The following PABPN1L variants were observed in gnomAD, a reference collection of about 807,000 sequenced individuals.
The protein encoded by PABPN1L is embryonic polyadenylate-binding protein 2.
Under a neutral mutation model 34.0 loss-of-function variants are expected in PABPN1L, and 45 were observed. The ratio of observed to expected loss-of-function variants is 1.32; its 90% CI spans 1.04 to 1.70. The LOEUF (loss-of-function observed/expected upper bound fraction) is 1.70. Ranked by LOEUF, PABPN1L falls within the 40% of genes most tolerant of loss-of-function variation. The pLI is 0.00. For synonymous variants in PABPN1L, 182 were observed against 152.1 expected (o/e 1.20, Z -1.45); for missense variants, 459 against 367.8 (o/e 1.25, Z -2.03).
exon 6 of PABPN1L, chr16:88,864,366 C>T (rs775977916): frequency 1.9e-6 from 3 of 1,555,704 alleles, no homozygotes; most frequent in Non-Finnish European, 2.6e-6. Flanking sequence ...GAAGTTGGTT[C>T]TTTTCGGCAG....
chr16:88,869,568 G>A (rs1968660547), upstream of PABPN1L, among the ~76,000 whole-genome samples: 1 of 152,254 alleles, frequency 6.6e-6, no homozygotes. Context: ...GCTGGGTGGA[G>A]TGCGGCCTCA....
Position 88,864,659 on chromosome 16 carries a change from C to T in PABPN1L, c.654+194G>A, listed in dbSNP as rs569568056. Reference sequence around the variant, plus strand: ...GGCTCCCGCCCGAGAGGGGACACTTCCCCACCATGCCACTGGCAGACCAAA... The same window carrying T: ...GGCTCCCGCCCGAGAGGGGACACTTTCCCACCATGCCACTGGCAGACCAAA... On this transcript the variant is annotated intron_variant, in intron 5 of 6. Coordinates refer to ENST00000419291, the Ensembl canonical transcript of PABPN1L. Among the ~76,000 whole-genome samples the T allele has an allele frequency of 2.2e-4, 33 of 150,456 alleles. No homozygotes were observed. In the South Asian group the frequency reaches 6.3e-3, roughly 29 times the overall value.
chr16:88,865,143 A>G lies in PABPN1L; in HGVS notation c.460-15T>C, dbSNP rs1968559738. 6.4e-7 allele frequency: 1 copy of G among 1,558,936 alleles called. No homozygotes were observed. The highest frequency in any genetic ancestry group is 8.7e-7 in the Non-Finnish European group (1 of 1,152,030). ...CCGTAGTCCACCTGCACCCAGGCCC[A>G]GACCAGCATGTGAGGGAGACGCCTG... is the stretch of plus-strand genomic sequence containing the variant. On this transcript the variant is annotated splice_polypyrimidine_tract_variant and intron_variant, in intron 3 of 6. Coordinates refer to ENST00000419291, the Ensembl canonical transcript of PABPN1L.
chr16:88,869,963 A>G (rs968899820), upstream of PABPN1L, among the ~76,000 whole-genome samples: 1 of 152,218 alleles, frequency 6.6e-6, no homozygotes, highest in African/African-American at 2.4e-5. Flanking sequence ...CCCAGCGCCC[A>G]GGACAACTCC....
chr16:88,865,991 A>G, intron 1 of PABPN1L, 50 bp from the exon 2 acceptor site: 1 of 1,539,386 alleles, frequency 6.5e-7, no homozygotes, highest in Non-Finnish European at 8.7e-7. Context: ...GGCTCTGCTC[A>G]AGGAAGGTGG....
chr16:88,865,025 T>C (rs1467425472), exon 4 of PABPN1L: 1 of 1,599,574 alleles, frequency 6.3e-7, no homozygotes, highest in African/African-American at 1.3e-5. Flanking sequence ...CACTGACCCC[T>C]TGGGGTGTCC....
At chr16:88,864,708 C>T (rs1175869269) in intron 5 of PABPN1L, 145 bp downstream of exon 5, 32 of 985,582 alleles carry the variant, frequency 3.2e-5, no homozygotes, top group Admixed American at 4.9e-5. Flanking sequence ...CCGAGGGTCC[C>T]GCCACATCCT....
exon 4 of PABPN1L, chr16:88,865,076 C>A: frequency 6.3e-7 from 1 of 1,595,136 alleles, no homozygotes; most frequent in South Asian, 1.1e-5. Flanking sequence ...GTGGACCTCC[C>A]CACAGCGGCT....
chr16:88,869,110 A>C (rs1452822231), upstream of PABPN1L, among the ~76,000 whole-genome samples: 6 of 152,132 alleles, frequency 3.9e-5, no homozygotes, highest in Non-Finnish European at 7.4e-5. Flanking sequence ...GGTGTGTGTG[A>C]TTCGGCTCCC....
At chr16:88,867,248 G>A (rs567987605), upstream of PABPN1L, among the ~76,000 whole-genome samples, 5 of 149,740 alleles carry the variant, frequency 3.3e-5, no homozygotes, top group Non-Finnish European at 7.4e-5. Flanking sequence ...TTTTTTTTAG[G>A]CAGGAGTCTT....
Position 88,865,134 on chromosome 16 carries a change from C to T in PABPN1L, c.460-6G>A, listed in dbSNP as rs1233318008. 2 of 1,562,368 alleles carry T rather than the reference C, an allele frequency of 1.3e-6. No individual in the cohort carries two copies. The highest frequency in any genetic ancestry group is 8.7e-7 in the Non-Finnish European group (1 of 1,154,132). On this transcript the variant is annotated splice_polypyrimidine_tract_variant and splice_region_variant and intron_variant, in intron 3 of 6. Coordinates refer to ENST00000419291, the Ensembl canonical transcript of PABPN1L. ...GCGGAGCCCCCGTAGTCCACCTGCA[C>T]CCAGGCCCAGACCAGCATGTGAGGG...
intron 5 of PABPN1L, among the ~76,000 whole-genome samples, chr16:88,864,606 G>A (rs930523376): frequency 1.5e-5 from 2 of 136,222 alleles, no homozygotes; most frequent in Admixed American, 1.6e-4. Flanking sequence ...GCAGAGGGGG[G>A]GGTCACGGCC....
At chr16:88,865,660 C>A in intron 2 of PABPN1L, 30 bp from the exon 3 acceptor site, 1 of 1,582,124 alleles carries the variant, frequency 6.3e-7, no homozygotes, top group Admixed American at 1.8e-5. Flanking sequence ...GGCCCGCAGG[C>A]CCTTGGTTCC....
At chr16:88,864,432 T>C (rs12927622) in intron 5 of PABPN1L, 53 bp from the exon 6 acceptor site, 20,379 of 1,510,844 alleles carry the variant, frequency 0.013, 153 homozygotes, top group Non-Finnish European at 0.017. Context: ...GAGACCCAGC[T>C]CACAGCCCCC....
intron 1 of PABPN1L, 27 bp downstream of exon 1, chr16:88,866,325 T>C: frequency 6.5e-7 from 1 of 1,539,798 alleles, no homozygotes; most frequent in Non-Finnish European, 8.8e-7. Flanking sequence ...TCCCCTGAGA[T>C]CCCCAGGGCC....
chr16:88,865,652 C>G, intron 2 of PABPN1L, 22 bp from the exon 3 acceptor site: 1 of 1,591,262 alleles, frequency 6.3e-7, no homozygotes, highest in Non-Finnish European at 8.6e-7. Context: ...ACAGCTCAGG[C>G]CCGCAGGCCC....
chr16:88,865,932 C>T lies in PABPN1L; in HGVS notation c.265G>A (p.Ala89Thr), dbSNP rs776363522. The change falls in exon 2 of 7, where the codon GCC (alanine) becomes ACC (threonine). Residue 89 changes from alanine (A) to threonine (T), a missense_variant. Physicochemically the swap from Ala to Thr is moderately conservative, Grantham distance 58. Transcript: ENST00000419291. Reference sequence around the variant, plus strand: ...ATGGCACACACCTTCATCTTGATGGCCTCCAGCTCCTGCCGACACACGGCC... The same window carrying T: ...ATGGCACACACCTTCATCTTGATGGTCTCCAGCTCCTGCCGACACACGGCC... 8.1e-6 allele frequency: 13 copies of T among 1,606,750 alleles called. No homozygotes were observed. The East Asian group carries it at 2.0e-4, about 25-fold the overall frequency.
At chr16:88,865,090 G>A in exon 4 of PABPN1L, 1 of 1,592,078 alleles carries the variant, frequency 6.3e-7, no homozygotes. Context: ...AGCGGCTGAA[G>A]TGGGCCTCCA....
In PABPN1L at chr16:88,866,334, C is replaced by T; in HGVS notation, c.255+18G>A. On this transcript the variant is annotated intron_variant, in intron 1 of 6. Coordinates refer to ENST00000419291, the Ensembl canonical transcript of PABPN1L. ...CCCAGGTCCCCTGAGATCCCCAGGG[C>T]CTCCACACAGCTGTTACCTGGTCAG... 1 of 1,545,182 alleles carries T rather than the reference C, an allele frequency of 6.5e-7. No individual in the cohort carries two copies. The highest frequency in any genetic ancestry group is 1.2e-5 in the South Asian group (1 of 83,728).
Sources: allele counts gnomAD v4.1 joint callset (sites outside exome capture counted in the v4.1 genomes callset), GRCh38; gene constraint gnomAD v4.1.1; transcripts MANE v1.5; gene names NCBI Gene and HGNC (gene_info 2026-07-23, HGNC 2026-07-21).